The following ZC3H11A variants were observed in gnomAD, a reference collection of about 807,000 sequenced individuals.
ZC3H11A encodes the protein zinc finger CCCH-type containing 11A.
In ZC3H11A, 22 loss-of-function variants were observed where a neutral mutation model predicts 90.8. The ratio of observed to expected loss-of-function variants is 0.24; its 90% CI spans 0.17 to 0.35. The LOEUF (loss-of-function observed/expected upper bound fraction) is 0.35, where lower values mean the gene tolerates loss of function less well. ZC3H11A is among the 10% of genes least tolerant of loss of function. The probability of loss-of-function intolerance (pLI) is 1.00; values close to 1 mark genes in which losing one functional copy is unlikely to be tolerated. For synonymous variants in ZC3H11A, 294 were observed against 339.8 expected, an observed-to-expected ratio of 0.87 and a Z score of 1.48; for missense variants, 701 against 964.9, an observed-to-expected ratio of 0.73 and a Z score of 3.62.
chr1:203,834,163 ATGAT>A, intron 10 of ZC3H11A: 1 of 798,654 alleles, frequency 1.3e-6, no homozygotes, highest in Non-Finnish European at 1.6e-6. Flanking sequence ...GGCGAGAAAA[ATGAT>A]TGGTTAATAT....
chr1:203,847,833 G>A, intron 13 of ZC3H11A, 146 bp downstream of exon 13: 1 of 1,188,710 alleles, frequency 8.4e-7, no homozygotes, highest in Non-Finnish European at 1.2e-6. Flanking sequence ...TTTTTCAGTA[G>A]TGCTATGTAG....
intron 9 of ZC3H11A, among the ~76,000 whole-genome samples, 194 bp downstream of exon 9, chr1:203,831,965 C>G (rs1237542648): frequency 6.6e-6 from 1 of 152,138 alleles, no homozygotes; most frequent in Non-Finnish European, 1.5e-5. Context: ...TCAAGCAGCC[C>G]TCACATATAT....
intron 2 of ZC3H11A, among the ~76,000 whole-genome samples, chr1:203,807,781 G>T (rs1161088372): frequency 6.6e-6 from 1 of 151,872 alleles, no homozygotes. Context: ...TTGCTCTGTT[G>T]CGCAGACCAG....
rs534063435 is a variant in ZC3H11A at position 203,852,132 on chromosome 1, T to C, written c.2175-9T>C. The C allele has an allele frequency of 1.9e-6, 3 of 1,613,382 alleles. No homozygotes were observed. In the East Asian group the frequency reaches 6.7e-5, roughly 36 times the overall value. On this transcript the variant is annotated splice_polypyrimidine_tract_variant and intron_variant, in intron 17 of 17. Transcript: ENST00000367210. ...CGGCAGTTTTCTAATAATCTTTTTT[T>C]TCTTACAGTCTTGTGCTGCCTCCAA... is the stretch of plus-strand genomic sequence containing the variant.
Position 203,850,264 on chromosome 1 carries a change from C to A in ZC3H11A, c.1939+238C>A, listed in dbSNP as rs1045169593. 3.2e-5 allele frequency: 21 copies of A among 652,326 alleles called. No homozygotes were observed. The African/African-American group carries it at 3.8e-4, about 12-fold the overall frequency. 40.4% of individuals were successfully genotyped at this position (652,326 alleles called of 1,614,324 possible). The stretch of plus-strand genomic sequence containing the variant: ...TAAAACTTTCTATGGTGCATCTTTC[C>A]TCTGGTATTGAATAAAAACAAGGAA... On this transcript the variant is annotated intron_variant, in intron 15 of 17. Coordinates refer to ENST00000367210, the MANE Select transcript of ZC3H11A (RefSeq NM_001376342.1).
rs1670983792 is a variant in ZC3H11A, at chr1:203,802,926, T to C, written c.-236T>C. 1 of 152,580 alleles carries C rather than the reference T, an allele frequency of 6.6e-6. No homozygotes were observed. The highest frequency in any genetic ancestry group is 1.5e-5 in the Non-Finnish European group (1 of 68,034). 9.5% of individuals were successfully genotyped at this position (152,580 alleles called of 1,614,324 possible). ...TTTTTTTCTGCCTCATTATTATTAA[T>C]TCATGGATTGAGTGTTGGTTCGACC... On this transcript the variant is annotated 5_prime_UTR_variant, in exon 2 of 18. Transcript: ENST00000367210.
At position 203,843,579 on chromosome 1, in the gene ZC3H11A, C is replaced by T. The variant is rs137940812; in HGVS notation, c.1042+3205C>T. 2.3e-3 allele frequency among the ~76,000 whole-genome samples: 344 copies of T among 152,272 alleles called. 1 individual carries two copies. The highest frequency in any genetic ancestry group is 7.8e-3 in the African/African-American group (325 of 41,558). On this transcript the variant is annotated intron_variant, in intron 12 of 17. Coordinates refer to ENST00000367210, the MANE Select transcript of ZC3H11A (RefSeq NM_001376342.1). ...TGCAGTCCACAGTATTGCAGCTACC[C>T]CACTCTGCCATTGTAGAATGAAAGC...
intron 10 of ZC3H11A, chr1:203,835,894 A>G: frequency 4.2e-6 from 1 of 240,204 alleles, no homozygotes; most frequent in Non-Finnish European, 9.0e-6. Context: ...ATGCCCTTGG[A>G]CCACAGCCTT....
intron 4 of ZC3H11A, among the ~76,000 whole-genome samples, chr1:203,824,011 G>A (rs987884311): frequency 6.6e-6 from 1 of 152,186 alleles, no homozygotes; most frequent in African/African-American, 2.4e-5. Flanking sequence ...GCTCATGCCT[G>A]TAATCTCAGC....
At chr1:203,835,116 G>T (rs1379463009) in intron 10 of ZC3H11A, among the ~76,000 whole-genome samples, 3 of 152,228 alleles carry the variant, frequency 2.0e-5, no homozygotes, top group Non-Finnish European at 4.4e-5. Context: ...GTTTCAGACA[G>T]TGAGAGATGG....
intron 2 of ZC3H11A, among the ~76,000 whole-genome samples, chr1:203,807,782 C>T (rs528513788): frequency 5.9e-5 from 9 of 152,052 alleles, no homozygotes; most frequent in South Asian, 2.1e-4. Flanking sequence ...TGCTCTGTTG[C>T]GCAGACCAGA....
chr1:203,796,379 T>G, intron 1 of ZC3H11A: 5 of 398,798 alleles, frequency 1.3e-5, no homozygotes, highest in Admixed American at 4.4e-5. Context: ...TTCCCCACTC[T>G]CATTACACTC....
intron 2 of ZC3H11A, among the ~76,000 whole-genome samples, chr1:203,811,657 G>A (rs1674524169): frequency 1.3e-5 from 2 of 151,934 alleles, no homozygotes; most frequent in Admixed American, 1.3e-4. Flanking sequence ...TACAGTTGTG[G>A]GCTACCACGC....
At chr1:203,824,984 G>A (rs11240570) in intron 4 of ZC3H11A, among the ~76,000 whole-genome samples, 27,115 of 151,166 alleles carry the variant, frequency 0.18, 2,551 homozygotes, top group Middle Eastern at 0.26. Flanking sequence ...GGCTGAGGCA[G>A]GAGAATTGCT....
intron 10 of ZC3H11A, chr1:203,835,677 C>T: frequency 4.1e-6 from 1 of 244,842 alleles, no homozygotes; most frequent in Non-Finnish European, 8.8e-6. Flanking sequence ...ACCACTGTTT[C>T]CATGGGCTTG....
chr1:203,840,995 A>G (rs1685946598), intron 12 of ZC3H11A, among the ~76,000 whole-genome samples: 1 of 152,190 alleles, frequency 6.6e-6, no homozygotes, highest in East Asian at 1.9e-4. Flanking sequence ...TAAAATTATG[A>G]TAGTTATGTG....
At position 203,850,532 on chromosome 1, in the gene ZC3H11A, G is replaced by A. The variant is rs939503971; in HGVS notation, c.1957G>A (p.Val653Met). The change falls in exon 16 of 18, where the codon GTG becomes ATG. Residue 653 changes from valine to methionine, a missense_variant. Physicochemically the swap from Val to Met is conservative, Grantham distance 21. Coordinates refer to ENST00000367210, the MANE Select transcript of ZC3H11A (RefSeq NM_001376342.1). ...KRGKAKPKVN[V>M]KPSVVKVVSS... The stretch of plus-strand genomic sequence containing the variant: ...CTTTGTAGCTAAACCCAAAGTGAAC[G>A]TGAAGCCATCTGTGGTTAAAGTTGT... 3.7e-6 allele frequency: 6 copies of A among 1,613,792 alleles called. No homozygotes were observed. The highest frequency in any genetic ancestry group is 1.7e-5 in the Admixed American group (1 of 59,984).
chr1:203,835,334 C>T (rs1384604159), intron 10 of ZC3H11A, among the ~76,000 whole-genome samples: 3 of 152,164 alleles, frequency 2.0e-5, no homozygotes, highest in Non-Finnish European at 4.4e-5. Context: ...ATTTTCTGCA[C>T]TGAGCTCAAA....
At chr1:203,813,699 A>C (rs1675274266) in intron 2 of ZC3H11A, among the ~76,000 whole-genome samples, 1 of 152,108 alleles carries the variant, frequency 6.6e-6, no homozygotes, top group Non-Finnish European at 1.5e-5. Context: ...TCTCCCTCTG[A>C]AGCCTGTAGA....
Sources: allele counts gnomAD v4.1 joint callset (sites outside exome capture counted in the v4.1 genomes callset), GRCh38; gene constraint gnomAD v4.1.1; transcripts MANE v1.5; gene names NCBI Gene and HGNC (gene_info 2026-07-23, HGNC 2026-07-21).